Variants in MTUS2 observed in about 807,000 individuals in gnomAD.
MTUS2 encodes microtubule associated scaffold protein 2, also known as microtubule-associated tumor suppressor candidate 2.
MTUS2 carries 40 observed loss-of-function variants against 114.1 expected under a neutral mutation model. The observed-to-expected ratio is 0.35, with a 90% confidence interval of 0.27 to 0.46. The LOEUF (loss-of-function observed/expected upper bound fraction) is 0.46. Ranked by LOEUF, MTUS2 falls within the 20% of genes least tolerant of loss-of-function variation. The probability of loss-of-function intolerance (pLI) is 1.00; values close to 1 mark genes in which losing one functional copy is unlikely to be tolerated. For synonymous variants in MTUS2, 688 were observed against 672.0 expected, an observed-to-expected ratio of 1.02 and a Z score of -0.37; for missense variants, 1,679 against 1,705.4, an observed-to-expected ratio of 0.98 and a Z score of 0.27.
intron 10 of MTUS2, chr13:29,485,042 G>A (rs778850698): frequency 1.3e-5 from 2 of 152,550 alleles, no homozygotes; most frequent in Non-Finnish European, 2.9e-5. Flanking sequence ...CTCTGTCTCT[G>A]AGGAGGGAGG....
rs1234063091 is a variant in MTUS2, at chr13:29,026,102, G to A, written c.1404G>A (p.Met468Ile). ...RLGSGNKDSVMVLVFNPSVGE... is the reference protein window; with the variant it reads ...RLGSGNKDSVIVLVFNPSVGE... ...GCAGTGGGAATAAGGACAGTGTTATGGTTTTGGTGTTCAATCCTTCTGTTG... is the reference window on the plus strand; with the variant it reads ...GCAGTGGGAATAAGGACAGTGTTATAGTTTTGGTGTTCAATCCTTCTGTTG... The change falls in exon 3 of 16, where the codon ATG becomes ATA. Residue 468 changes from methionine (M) to isoleucine (I), a missense_variant. This residue lies in a region of MTUS2 where 843 missense variants were observed against 770.8 expected (regional missense o/e 1.09). Transcript: ENST00000612955. 1 of 1,613,870 alleles carries A rather than the reference G, an allele frequency of 6.2e-7. No homozygotes were observed. Among genetic ancestry groups the A allele is most frequent in the Non-Finnish European group, 8.5e-7 (1 of 1,179,892 alleles).
chr13:29,398,889 T>C (rs980081505), intron 8 of MTUS2, among the ~76,000 whole-genome samples: 1 of 152,114 alleles, frequency 6.6e-6, no homozygotes, highest in African/African-American at 2.4e-5. Flanking sequence ...TCTATAATAA[T>C]GGGTTTTTAC....
intron 5 of MTUS2, among the ~76,000 whole-genome samples, chr13:29,236,717 C>T (rs1896549247): frequency 6.6e-6 from 1 of 152,172 alleles, no homozygotes; most frequent in Non-Finnish European, 1.5e-5. Context: ...GGAAGGGTCT[C>T]CAGTGGAGGA....
intron 2 of MTUS2, among the ~76,000 whole-genome samples, chr13:29,007,019 G>C (rs570991176): frequency 1.5e-4 from 23 of 152,248 alleles, no homozygotes; most frequent in African/African-American, 5.5e-4. Flanking sequence ...CAGATGTCCT[G>C]TTATTTCAGC....
chr13:28,881,036 C>A (rs759727611), intron 2 of MTUS2, among the ~76,000 whole-genome samples: 11 of 152,120 alleles, frequency 7.2e-5, no homozygotes, highest in Non-Finnish European at 1.6e-4. Context: ...CGTGGATATA[C>A]TGTGTAGTGG....
chr13:29,215,949 C>T lies in MTUS2; in HGVS notation c.2645-65755C>T, dbSNP rs374551786. Among the ~76,000 whole-genome samples the T allele has an allele frequency of 1.2e-4, 19 of 152,316 alleles. No homozygotes were observed. In the East Asian group the frequency reaches 3.7e-3, roughly 29 times the overall value. On this transcript the variant is annotated intron_variant, in intron 5 of 15. Coordinates refer to ENST00000612955, the MANE Select transcript of MTUS2 (RefSeq NM_001033602.4). ...TTTCTTCAGAGCTGGCAGGCAGGAACGTTTAAGTCTGCTGAAGGTGTGCCC... is the reference window on the plus strand; with the variant it reads ...TTTCTTCAGAGCTGGCAGGCAGGAATGTTTAAGTCTGCTGAAGGTGTGCCC...
At chr13:29,034,810 G>A (rs980042535) in intron 4 of MTUS2, among the ~76,000 whole-genome samples, 1 of 152,172 alleles carries the variant, frequency 6.6e-6, no homozygotes, top group Non-Finnish European at 1.5e-5. Context: ...CTGTGATGCT[G>A]TCCTTCACCA....
At chr13:28,862,382 G>A (rs778499282) in intron 2 of MTUS2, among the ~76,000 whole-genome samples, 13 of 152,298 alleles carry the variant, frequency 8.5e-5, no homozygotes, top group East Asian at 3.9e-4. Flanking sequence ...AGGCCGAGGC[G>A]GGTGCATCAC....
intron 5 of MTUS2, among the ~76,000 whole-genome samples, chr13:29,195,246 T>TAATGA (rs1258696136): frequency 1.8e-5 from 1 of 56,084 alleles, no homozygotes; most frequent in Admixed American, 1.8e-4. Flanking sequence ...AGTATAATAA[T>TAATGA]AATAAAATAA....
chr13:29,475,110 A>T (rs1248190634), intron 9 of MTUS2, among the ~76,000 whole-genome samples: 1 of 152,234 alleles, frequency 6.6e-6, no homozygotes, highest in Admixed American at 6.5e-5. Flanking sequence ...ATGTACAGCC[A>T]TGCACCACAT....
chr13:29,250,404 T>C (rs1321484490), intron 5 of MTUS2: 1 of 151,916 alleles, frequency 6.6e-6, no homozygotes, highest in Non-Finnish European at 1.5e-5. Context: ...AAAAATATGA[T>C]TCTTGCTTAC....
At chr13:29,126,124 A>G (rs1023367642) in intron 5 of MTUS2, among the ~76,000 whole-genome samples, 1 of 152,252 alleles carries the variant, frequency 6.6e-6, no homozygotes, top group South Asian at 2.1e-4. Context: ...TAACTTCTCC[A>G]TATACCAAAA....
chr13:28,820,540 G>A lies in MTUS2; in HGVS notation c.-387G>A, dbSNP rs888623913. ...GAAGCAGCGTGGCGGAACCCGGCCC[G>A]AGATGAGCGTCTCCGTGAGGGCAGT... On this transcript the variant is annotated 5_prime_UTR_variant, in exon 1 of 16. Coordinates refer to ENST00000612955, the MANE Select transcript of MTUS2 (RefSeq NM_001033602.4). 1 of 152,972 alleles carries A rather than the reference G, an allele frequency of 6.5e-6. No individual in the cohort carries two copies. The highest frequency in any genetic ancestry group is 1.5e-5 in the Non-Finnish European group (1 of 68,688). The allele number at this position is 152,972 out of a possible 1,614,324, so 9.5% of individuals were successfully genotyped here.
intron 8 of MTUS2, chr13:29,428,892 A>G (rs1317930553): frequency 6.2e-7 from 1 of 1,614,062 alleles, no homozygotes; most frequent in South Asian, 1.1e-5. Flanking sequence ...TGCCTGGACA[A>G]GACGGTACTT....
At position 29,092,353 on chromosome 13, in the gene MTUS2, A is replaced by G. The variant is rs143236693; in HGVS notation, c.2447-8420A>G. On this transcript the variant is annotated intron_variant, in intron 4 of 15. Transcript: ENST00000612955. ...TAGCCTTTTTTTTGCATACTAACAAACCAATCAGCATGTACTCACCCATTC... is the reference window on the plus strand; with the variant it reads ...TAGCCTTTTTTTTGCATACTAACAAGCCAATCAGCATGTACTCACCCATTC... 1.2e-3 allele frequency among the ~76,000 whole-genome samples: 188 copies of G among 151,994 alleles called. 3 individuals are homozygous for G. The East Asian group carries it at 0.035, about 28-fold the overall frequency.
intron 8 of MTUS2, among the ~76,000 whole-genome samples, chr13:29,432,693 A>C (rs1236154685): frequency 6.6e-6 from 1 of 151,878 alleles, no homozygotes; most frequent in African/African-American, 2.4e-5. Flanking sequence ...TCACTGTCCA[A>C]CTCCTCTTGT....
chr13:29,120,824 T>G (rs1391412761), intron 5 of MTUS2, among the ~76,000 whole-genome samples: 1 of 152,110 alleles, frequency 6.6e-6, no homozygotes, highest in Non-Finnish European at 1.5e-5. Context: ...GCTGAAACAA[T>G]CTCTACAACA....
At chr13:29,103,792 A>G (rs1389514279) in intron 5 of MTUS2, among the ~76,000 whole-genome samples, 1 of 152,228 alleles carries the variant, frequency 6.6e-6, no homozygotes. Context: ...AAGCATCGTT[A>G]TGTGGTGCAT....
At chr13:28,899,094 A>T (rs546699502) in intron 2 of MTUS2, among the ~76,000 whole-genome samples, 17 of 152,264 alleles carry the variant, frequency 1.1e-4, no homozygotes, top group African/African-American at 3.6e-4. Context: ...GACATTATTT[A>T]GTTTTCTGTT....
Sources: gnomAD v4.1 joint callset for allele counts (sites outside exome capture counted in the v4.1 genomes callset) on GRCh38, gnomAD v4.1.1 for gene constraint, gnomAD v4.1.1 regional missense constraint, MANE v1.5 for transcripts, NCBI Gene and HGNC (gene_info 2026-07-23, HGNC 2026-07-21) for gene names.